HIVEP3: variants seen among roughly 807,000 people sequenced by gnomAD.
HIVEP3 encodes HIVEP zinc finger 3.
HIVEP3 carries 49 observed loss-of-function variants against 152.8 expected under a neutral mutation model. The ratio of observed to expected loss-of-function variants is 0.32; its 90% CI spans 0.26 to 0.41. The LOEUF is 0.41. Among genes scored for constraint, HIVEP3 ranks in the 10% least tolerant of loss-of-function variants. The pLI, the probability that HIVEP3 is intolerant of heterozygous loss-of-function variation, is 1.00. For missense variants in HIVEP3, 2,790 were observed against 3,103.3 expected (o/e 0.90, Z 2.40); for synonymous variants, 1,269 against 1,289.0 (o/e 0.98, Z 0.33).
At chr1:41,995,700 G>A (rs539734726) in intron 1 of HIVEP3, among the ~76,000 whole-genome samples, 9 of 152,182 alleles carry the variant, frequency 5.9e-5, no homozygotes, top group African/African-American at 2.2e-4. Context: ...CAGGAGGGAG[G>A]TAAGTGGAGT....
intron 1 of HIVEP3, among the ~76,000 whole-genome samples, chr1:41,756,075 A>G (rs532372009): frequency 6.6e-6 from 1 of 152,346 alleles, no homozygotes; most frequent in South Asian, 2.1e-4. Flanking sequence ...CTGGCCTACA[A>G]TAGGTGATTA....
intron 1 of HIVEP3, among the ~76,000 whole-genome samples, chr1:41,776,129 C>T (rs12089767): frequency 0.034 from 5,243 of 152,294 alleles, 304 homozygotes; most frequent in African/African-American, 0.12. Flanking sequence ...TCAGTCAGAA[C>T]GTGAACAAAA....
chr1:41,559,142 G>T (rs1235720745), intron 5 of HIVEP3, among the ~76,000 whole-genome samples: 1 of 151,900 alleles, frequency 6.6e-6, no homozygotes, highest in Non-Finnish European at 1.5e-5. Context: ...GCCTCCTTTG[G>T]TCCAAGGCCT....
chr1:41,981,967 G>T (rs1226876705), intron 1 of HIVEP3, among the ~76,000 whole-genome samples: 1 of 152,150 alleles, frequency 6.6e-6, no homozygotes, highest in Non-Finnish European at 1.5e-5. Flanking sequence ...ATATTTCTGA[G>T]GTGAGTCAGT....
intron 1 of HIVEP3, among the ~76,000 whole-genome samples, chr1:41,723,018 A>G (rs539739244): frequency 2.0e-5 from 3 of 152,318 alleles, no homozygotes; most frequent in Non-Finnish European, 4.4e-5. Flanking sequence ...GTTGCTCTAA[A>G]GGAATTTAGC....
chr1:41,607,477 T>C lies in HIVEP3; in HGVS notation c.-522+21272A>G, dbSNP rs140099011. On this transcript the variant is annotated intron_variant, in intron 3 of 8. Coordinates refer to ENST00000372583, the MANE Select transcript of HIVEP3 (RefSeq NM_024503.5). The stretch of plus-strand genomic sequence containing the variant: ...CAACCTGCTCCTCTGATATTATAGG[T>C]TATTTCACTTACAGAGGTGAATGAA... Among the ~76,000 whole-genome samples, 94 of 152,350 alleles carry C rather than the reference T, an allele frequency of 6.2e-4. 2 individuals are homozygous for C. Among genetic ancestry groups the C allele is most frequent in the African/African-American group, 2.2e-3 (93 of 41,580 alleles).
At chr1:41,880,718 A>G (rs783630) in intron 1 of HIVEP3, among the ~76,000 whole-genome samples, 132,277 of 152,212 alleles carry the variant, frequency 0.87, 57,794 homozygotes, top group East Asian at 1. Context: ...TCTGAAAAGG[A>G]AGACATGACA....
intron 1 of HIVEP3, among the ~76,000 whole-genome samples, chr1:41,986,769 T>C (rs1043790162): frequency 6.6e-6 from 1 of 152,236 alleles, no homozygotes. Context: ...CAAATGTATT[T>C]ATTAATTGCT....
At chr1:41,660,050 G>A (rs974505709) in intron 2 of HIVEP3, among the ~76,000 whole-genome samples, 3 of 152,216 alleles carry the variant, frequency 2.0e-5, no homozygotes, top group Admixed American at 6.5e-5. Context: ...GTGTGTAGAG[G>A]AGCAGGGTTG....
intron 1 of HIVEP3, among the ~76,000 whole-genome samples, chr1:41,998,976 A>G (rs1645411577): frequency 7.5e-6 from 1 of 133,402 alleles, no homozygotes; most frequent in African/African-American, 2.8e-5. Flanking sequence ...GCTCACTGCA[A>G]CCTCCACCTC....
chr1:41,541,124 C>T (rs1218862824), intron 5 of HIVEP3, among the ~76,000 whole-genome samples: 1 of 152,154 alleles, frequency 6.6e-6, no homozygotes, highest in Non-Finnish European at 1.5e-5. Context: ...CAAATCCTGC[C>T]TCCTCCGACC....
chr1:41,884,894 G>T lies in HIVEP3; in HGVS notation c.-801+33519C>A, dbSNP rs560021256. The stretch of plus-strand genomic sequence containing the variant: ...TCAGGACTCACCTTTCAAATTTAAA[G>T]AATCTCTCGTTACCATCACCATAAC... On this transcript the variant is annotated intron_variant, in intron 1 of 8. Coordinates refer to ENST00000372583, the MANE Select transcript of HIVEP3 (RefSeq NM_024503.5). 7.1e-5 allele frequency among the ~76,000 whole-genome samples: 10 copies of T among 140,860 alleles called. No homozygotes were observed. The South Asian group carries it at 2.0e-3, about 28-fold the overall frequency. 92.4% of individuals were successfully genotyped at this position (140,860 alleles called of 152,430 possible). A position where few individuals can be genotyped will look rare whatever the true frequency, so the allele number is the denominator to read the frequency against.
intron 1 of HIVEP3, among the ~76,000 whole-genome samples, chr1:41,760,790 T>C (rs1231677621): frequency 6.6e-6 from 1 of 152,066 alleles, no homozygotes; most frequent in African/African-American, 2.4e-5. Context: ...CTTCAGGATC[T>C]AGGAGTGAGT....
chr1:41,714,767 A>AT (rs1646564917), intron 1 of HIVEP3, among the ~76,000 whole-genome samples: 2 of 152,362 alleles, frequency 1.3e-5, no homozygotes, highest in Admixed American at 1.3e-4. Context: ...ATTAACTGCT[A>AT]TATTTAAAAG....
intron 2 of HIVEP3, among the ~76,000 whole-genome samples, chr1:41,696,104 T>C (rs1216546146): frequency 1.3e-5 from 2 of 152,242 alleles, no homozygotes; most frequent in Non-Finnish European, 2.9e-5. Flanking sequence ...TGGCACTGTA[T>C]ATTTGTACCT....
chr1:41,523,120 G>T (rs1312512815), intron 6 of HIVEP3, among the ~76,000 whole-genome samples: 4 of 152,228 alleles, frequency 2.6e-5, no homozygotes, highest in Non-Finnish European at 5.9e-5. Context: ...GTTGACGACC[G>T]TCCATTGAAT....
At chr1:41,701,728 T>C (rs1052326491) in intron 1 of HIVEP3, among the ~76,000 whole-genome samples, 2 of 152,240 alleles carry the variant, frequency 1.3e-5, no homozygotes, top group African/African-American at 4.8e-5. Flanking sequence ...GAACTAATGC[T>C]TTACAATTAA....
chr1:41,907,257 T>C (rs1052882474), intron 1 of HIVEP3, among the ~76,000 whole-genome samples: 6 of 152,188 alleles, frequency 3.9e-5, no homozygotes, highest in African/African-American at 7.2e-5. Flanking sequence ...CCTGAATTGT[T>C]TTCTCCAAGA....
chr1:41,526,984 T>C (rs1187498376), intron 5 of HIVEP3, among the ~76,000 whole-genome samples: 3 of 60,292 alleles, frequency 5.0e-5, no homozygotes, highest in Non-Finnish European at 9.7e-5. Context: ...ACCTTCACAC[T>C]CCACACCCCT....
Sources: allele counts gnomAD v4.1 joint callset (sites outside exome capture counted in the v4.1 genomes callset), GRCh38; gene constraint gnomAD v4.1.1; transcripts MANE v1.5; gene names NCBI Gene and HGNC (gene_info 2026-07-23, HGNC 2026-07-21).